BICC1: variants seen among roughly 807,000 people sequenced by gnomAD.
BICC1 encodes the protein protein bicaudal C homolog 1.
In BICC1, 43 loss-of-function variants were observed where a neutral mutation model predicts 111.0. That is an observed-to-expected ratio of 0.39 (90% CI 0.30 to 0.50). BICC1 has a LOEUF of 0.50. Ranked by LOEUF, BICC1 falls within the 20% of genes least tolerant of loss-of-function variation. The pLI, the probability that BICC1 is intolerant of heterozygous loss-of-function variation, is 0.88. For missense variants in BICC1, 1,091 were observed against 1,203.2 expected, an observed-to-expected ratio of 0.91 and a Z score of 1.38; for synonymous variants, 467 against 434.4, an observed-to-expected ratio of 1.07 and a Z score of -0.93.
intron 2 of BICC1, among the ~76,000 whole-genome samples, chr10:58,647,302 A>G (rs1248993375): frequency 1.3e-5 from 2 of 152,240 alleles, no homozygotes; most frequent in Non-Finnish European, 2.9e-5. Flanking sequence ...AAAACAGAAT[A>G]TTCCAAATTT....
chr10:58,638,061 A>G (rs1202924280), intron 2 of BICC1, among the ~76,000 whole-genome samples: 1 of 152,190 alleles, frequency 6.6e-6, no homozygotes, highest in African/African-American at 2.4e-5. Flanking sequence ...AATGACAGAC[A>G]TAGTAACATC....
chr10:58,816,474 A>G (rs995668329), intron 18 of BICC1, among the ~76,000 whole-genome samples: 2 of 152,174 alleles, frequency 1.3e-5, no homozygotes, highest in African/African-American at 4.8e-5. Flanking sequence ...CATAGAGGAC[A>G]TCTCAATTGG....
chr10:58,605,353 C>T (rs373981837), intron 1 of BICC1, among the ~76,000 whole-genome samples: 23 of 152,288 alleles, frequency 1.5e-4, no homozygotes, highest in African/African-American at 5.1e-4. Context: ...TCTTCATTTT[C>T]GAAATCTGTT....
chr10:58,751,378 C>A (rs1000103618), intron 3 of BICC1, among the ~76,000 whole-genome samples: 26 of 152,162 alleles, frequency 1.7e-4, no homozygotes, highest in African/African-American at 6.0e-4. Context: ...ACCATGCTAT[C>A]CTTTTTGAGA....
At chr10:58,649,382 C>A (rs532440518) in intron 2 of BICC1, among the ~76,000 whole-genome samples, 1 of 152,194 alleles carries the variant, frequency 6.6e-6, no homozygotes, top group East Asian at 1.9e-4. Flanking sequence ...GGCTTGTGCT[C>A]TCTCTCTGAT....
At chr10:58,809,183 C>T (rs1843816439) in intron 17 of BICC1, among the ~76,000 whole-genome samples, 1 of 150,902 alleles carries the variant, frequency 6.6e-6, no homozygotes, top group South Asian at 2.1e-4. Context: ...CCACAACGCT[C>T]AGCTAAGTTT....
chr10:58,779,278 C>T (rs368564710), intron 3 of BICC1, among the ~76,000 whole-genome samples: 1 of 152,212 alleles, frequency 6.6e-6, no homozygotes, highest in Non-Finnish European at 1.5e-5. Flanking sequence ...GAAGTAGACT[C>T]TCGTCTTTGT....
At chr10:58,659,672 C>T (rs911105407) in intron 2 of BICC1, among the ~76,000 whole-genome samples, 1 of 152,148 alleles carries the variant, frequency 6.6e-6, no homozygotes, top group Admixed American at 6.5e-5. Flanking sequence ...ACACAGTTTA[C>T]CTGTATAACA....
intron 2 of BICC1, among the ~76,000 whole-genome samples, chr10:58,654,050 A>T (rs1588976866): frequency 6.8e-6 from 1 of 147,676 alleles, no homozygotes; most frequent in African/African-American, 2.5e-5. Context: ...CATGATGTAT[A>T]TGTGCCACAT....
At chr10:58,814,139 G>A in intron 18 of BICC1, 153 bp downstream of exon 18, 1 of 871,522 alleles carries the variant, frequency 1.1e-6, no homozygotes, top group Non-Finnish European at 1.9e-6. Flanking sequence ...GTTTCTCCCA[G>A]TGAAGCAGGC....
intron 3 of BICC1, among the ~76,000 whole-genome samples, chr10:58,777,141 A>G (rs1241292325): frequency 2.7e-5 from 4 of 150,916 alleles, no homozygotes; most frequent in Non-Finnish European, 4.4e-5. Context: ...TTTGCTTTCT[A>G]CTTTGTTTGC....
intron 17 of BICC1, among the ~76,000 whole-genome samples, chr10:58,809,438 C>T (rs1169370112): frequency 6.6e-6 from 1 of 151,800 alleles, no homozygotes; most frequent in Non-Finnish European, 1.5e-5. Flanking sequence ...CGTGGTTTCA[C>T]CATGTCGCCA....
At chr10:58,652,665 A>C (rs1838487558) in intron 2 of BICC1, among the ~76,000 whole-genome samples, 1 of 152,020 alleles carries the variant, frequency 6.6e-6, no homozygotes, top group Non-Finnish European at 1.5e-5. Flanking sequence ...ATTTTCTTTT[A>C]ATTTTTTAAG....
At chr10:58,593,632 A>G (rs1278367746) in intron 1 of BICC1, among the ~76,000 whole-genome samples, 1 of 152,174 alleles carries the variant, frequency 6.6e-6, no homozygotes, top group Non-Finnish European at 1.5e-5. Context: ...AAACTCCAGC[A>G]GACTGGCAGC....
intron 3 of BICC1, among the ~76,000 whole-genome samples, chr10:58,759,972 A>G (rs995142764): frequency 1.4e-4 from 21 of 151,952 alleles, no homozygotes; most frequent in East Asian, 1.2e-3. Context: ...GAAAAAGAAA[A>G]AAAAAAAAAA....
At position 58,830,677 on chromosome 10, in the gene BICC1, A is replaced by T. The variant is rs1031435355; in HGVS notation, c.*1786A>T. The T allele has an allele frequency of 6.6e-6, 1 of 152,162 alleles. No homozygotes were observed. The highest frequency in any genetic ancestry group is 1.5e-5 in the Non-Finnish European group (1 of 68,014). The allele number at this position is 152,162 out of a possible 1,614,324, so 9.4% of individuals were successfully genotyped here. A position where few individuals can be genotyped will look rare whatever the true frequency, so the allele number is the denominator to read the frequency against. ...TAATGGGCCTGTCATAAAATTATCA[A>T]TTATAACTGGCACCGAGGGACTGCC... On this transcript the variant is annotated 3_prime_UTR_variant, in exon 21 of 21. Coordinates refer to ENST00000373886, the MANE Select transcript of BICC1 (RefSeq NM_001080512.3).
intron 3 of BICC1, among the ~76,000 whole-genome samples, chr10:58,732,168 A>G (rs1207371024): frequency 1.3e-5 from 2 of 151,336 alleles, no homozygotes; most frequent in Admixed American, 1.3e-4. Context: ...TTCTGCTTGA[A>G]CATTTAGAAG....
At chr10:58,803,009 C>T in intron 14 of BICC1, 68 bp from the exon 15 acceptor site, 1 of 1,375,604 alleles carries the variant, frequency 7.3e-7, no homozygotes, top group South Asian at 1.8e-5. Flanking sequence ...GTAAATGTGG[C>T]ATGTAGGAAA....
intron 1 of BICC1, among the ~76,000 whole-genome samples, chr10:58,573,609 C>T (rs897513958): frequency 6.6e-6 from 1 of 152,052 alleles, no homozygotes; most frequent in Non-Finnish European, 1.5e-5. Context: ...TGTGTAATAA[C>T]CAAAGCAAAT....
Sources: gnomAD v4.1 joint callset for allele counts (sites outside exome capture counted in the v4.1 genomes callset) on GRCh38, gnomAD v4.1.1 for gene constraint, MANE v1.5 for transcripts, NCBI Gene and HGNC (gene_info 2026-07-23, HGNC 2026-07-21) for gene names.